Variants in NGEF observed in about 807,000 individuals in gnomAD.
NGEF encodes the protein ephexin-1.
A neutral mutation model predicts 80.9 loss-of-function variants in NGEF; 31 were observed. The ratio of observed to expected loss-of-function variants is 0.38; its 90% confidence interval spans 0.29 to 0.52. The LOEUF is 0.52. Among genes scored for constraint, NGEF ranks in the 20% least tolerant of loss-of-function variants. The pLI, the probability that NGEF is intolerant of heterozygous loss-of-function variation, is 0.84. For missense variants in NGEF, 709 were observed against 926.2 expected (o/e 0.77, Z 3.04); for synonymous variants, 371 against 370.2 (o/e 1.00, Z -0.03).
At chr2:232,939,786 T>A (rs1015629014) in intron 3 of NGEF, among the ~76,000 whole-genome samples, 1 of 152,112 alleles carries the variant, frequency 6.6e-6, no homozygotes, top group East Asian at 1.9e-4. Flanking sequence ...TCACCTGAGG[T>A]CAGGAGTTCA....
chr2:232,937,025 A>G lies in NGEF; in HGVS notation c.384-9839T>C, dbSNP rs1693340255. ...ACTCTCATAGCCCAGGCTGGAGTGC[A>G]ATGGCTCAGTCTCGGCTCACTGCAA... On this transcript the variant is annotated intron_variant, in intron 3 of 14. Transcript: ENST00000264051. Among the ~76,000 whole-genome samples the G allele has an allele frequency of 2.6e-5, 4 of 152,226 alleles. No homozygotes were observed. In the South Asian group the frequency reaches 8.3e-4, roughly 32 times the overall value.
rs145075895 is a variant in NGEF at position 232,897,875 on chromosome 2, C to T, written c.829-2959G>A. ...GAGACAGCGACGGTCAGAGACGAGA[C>T]GCTGAAATGAGCCTGTGGCCTCTCC... On this transcript the variant is annotated intron_variant, in intron 5 of 14. Transcript: ENST00000264051. Among the ~76,000 whole-genome samples the T allele has an allele frequency of 5.9e-3, 900 of 152,138 alleles. 7 individuals are homozygous for T. Among genetic ancestry groups the T allele is most frequent in the Non-Finnish European group, 8.6e-3 (585 of 67,968 alleles).
At chr2:232,911,414 T>C (rs1692689013) in intron 5 of NGEF, among the ~76,000 whole-genome samples, 1 of 152,200 alleles carries the variant, frequency 6.6e-6, no homozygotes, top group Non-Finnish European at 1.5e-5. Context: ...TACTGTAAAC[T>C]TTTTAGTTGT....
In NGEF at chr2:232,981,444, A is replaced by T. The variant is rs1472356027; in HGVS notation, c.-74-6480T>A. On this transcript the variant is annotated intron_variant, in intron 1 of 14. Transcript: ENST00000264051. The stretch of plus-strand genomic sequence containing the variant: ...AGGGGTCCTGCAGCCTCTGACTCCA[A>T]GAGTCTGACCCTCCCCACGTTGCTC... Among the ~76,000 whole-genome samples the T allele has an allele frequency of 2.0e-5, 3 of 152,120 alleles. No homozygotes were observed. The East Asian group carries it at 5.8e-4, about 29-fold the overall frequency.
At chr2:232,982,378 T>C (rs1694449693) in intron 1 of NGEF, among the ~76,000 whole-genome samples, 1 of 152,096 alleles carries the variant, frequency 6.6e-6, no homozygotes, top group Non-Finnish European at 1.5e-5. Flanking sequence ...AGATGGGGCT[T>C]ATTGAGGCAA....
intron 1 of NGEF, chr2:233,012,659 C>T (rs574362275): frequency 2.8e-6 from 1 of 357,876 alleles, no homozygotes; most frequent in Admixed American, 3.9e-5. Flanking sequence ...GGGCCCTGTT[C>T]TTAGAAGGTG....
chr2:233,000,628 C>T (rs1190950061), intron 1 of NGEF, among the ~76,000 whole-genome samples: 12 of 151,936 alleles, frequency 7.9e-5, no homozygotes, highest in South Asian at 2.1e-4. Context: ...GGCGTGGTGG[C>T]GGGCGCCTGT....
At chr2:232,928,468 C>T (rs1403029582) in intron 3 of NGEF, among the ~76,000 whole-genome samples, 2 of 151,906 alleles carry the variant, frequency 1.3e-5, no homozygotes, top group African/African-American at 4.8e-5. Flanking sequence ...CCCTCGGCTC[C>T]CCAGTGCCCG....
At chr2:232,974,128 A>T (rs1432418088) in intron 2 of NGEF, among the ~76,000 whole-genome samples, 7 of 152,226 alleles carry the variant, frequency 4.6e-5, no homozygotes, top group Non-Finnish European at 8.8e-5. Flanking sequence ...TGAGCAGATA[A>T]AATGTGCTAG....
chr2:233,011,329 T>A (rs1695198273), intron 1 of NGEF, among the ~76,000 whole-genome samples: 1 of 152,124 alleles, frequency 6.6e-6, no homozygotes, highest in South Asian at 2.1e-4. Context: ...AGCTGACTCC[T>A]TACTCGGGAA....
At chr2:232,922,748 C>T (rs1311900257) in intron 4 of NGEF, among the ~76,000 whole-genome samples, 1 of 152,216 alleles carries the variant, frequency 6.6e-6, no homozygotes, top group Non-Finnish European at 1.5e-5. Context: ...AATAGGTACT[C>T]AACTACTTGT....
rs887729139 is a variant in NGEF, at chr2:232,888,065, T to G, written c.1315A>C (p.Thr439Pro). 1.9e-6 allele frequency: 3 copies of G among 1,613,760 alleles called. No homozygotes were observed. Among genetic ancestry groups the G allele is most frequent in the South Asian group, 2.2e-5 (2 of 91,034 alleles). Reference sequence around the variant, plus strand: ...AGCTCCTTGTGAGCATCCAAAGCAGTGCACTCCCGCTCAGACCTCTCTTCT... The same window carrying G: ...AGCTCCTTGTGAGCATCCAAAGCAGGGCACTCCCGCTCAGACCTCTCTTCT... Reference protein sequence around the residue: ...RVEERSERECTALDAHKELEM... With the variant: ...RVEERSERECPALDAHKELEM... The change falls in exon 9 of 15, where the codon ACT becomes CCT. Residue 439 changes from threonine to proline, a missense_variant. Around this residue, in one of 2 missense-constraint regions of NGEF, gnomAD observed 426 missense variants for 622.9 expected, o/e 0.68. Coordinates refer to ENST00000264051, the MANE Select transcript of NGEF (RefSeq NM_019850.3).
intron 1 of NGEF, among the ~76,000 whole-genome samples, chr2:232,980,440 C>T (rs73107106): frequency 0.16 from 24,327 of 151,816 alleles, 2,540 homozygotes; most frequent in African/African-American, 0.3. Context: ...CCGGGGCTCT[C>T]GTTAAATCAC....
rs775006266 is a variant in NGEF at position 232,901,536 on chromosome 2, C to T, written c.829-6620G>A. On this transcript the variant is annotated intron_variant, in intron 5 of 14. Transcript: ENST00000264051. Reference sequence around the variant, plus strand: ...AGCTGCGTCACCAGGGTGACATCTGCGGGGGTCGGAGCCAAAGGCCAGCAG... The same window carrying T: ...AGCTGCGTCACCAGGGTGACATCTGTGGGGGTCGGAGCCAAAGGCCAGCAG... 1.3e-5 allele frequency: 10 copies of T among 749,232 alleles called. No homozygotes were observed. The East Asian group carries it at 9.0e-4, about 67-fold the overall frequency. 46.4% of individuals were successfully genotyped at this position (749,232 alleles called of 1,614,324 possible). A position where few individuals can be genotyped will look rare whatever the true frequency, so the allele number is the denominator to read the frequency against.
rs902266480 is a variant in NGEF, at chr2:232,928,075, A to C, written c.384-889T>G. ...GCCCTGGGCTGGGTCGGGGGCGACTAGCGGGCTGCGGAGCGGGGTCGCAGC... is the reference window on the plus strand; with the variant it reads ...GCCCTGGGCTGGGTCGGGGGCGACTCGCGGGCTGCGGAGCGGGGTCGCAGC... On this transcript the variant is annotated intron_variant, in intron 3 of 14. Transcript: ENST00000264051. 514 of 1,131,810 alleles carry C rather than the reference A, an allele frequency of 4.5e-4. 1 individual carries two copies. The highest frequency in any genetic ancestry group is 7.9e-4 in the Admixed American group (16 of 20,220). 70.1% of individuals were successfully genotyped at this position (1,131,810 alleles called of 1,614,324 possible). A position where few individuals can be genotyped will look rare whatever the true frequency, so the allele number is the denominator to read the frequency against.
intron 4 of NGEF, among the ~76,000 whole-genome samples, chr2:232,922,401 G>T (rs923349231): frequency 6.6e-6 from 1 of 152,098 alleles, no homozygotes; most frequent in African/African-American, 2.4e-5. Context: ...TTCTGCCAAG[G>T]TAACCAGAGC....
intron 13 of NGEF, 32 bp from the exon 14 acceptor site, chr2:232,881,282 C>T (rs1491000654): frequency 1.9e-6 from 3 of 1,548,202 alleles, no homozygotes; most frequent in African/African-American, 1.4e-5. Flanking sequence ...CACATCCCCA[C>T]CACCGCACTA....
intron 5 of NGEF, among the ~76,000 whole-genome samples, chr2:232,905,239 T>G (rs1256105068): frequency 6.6e-6 from 1 of 152,240 alleles, no homozygotes; most frequent in African/African-American, 2.4e-5. Context: ...GTGCCTGCGA[T>G]TGCAGGCGCG....
At chr2:232,900,816 A>C (rs527558517) in intron 5 of NGEF, among the ~76,000 whole-genome samples, 12 of 152,276 alleles carry the variant, frequency 7.9e-5, no homozygotes, top group Admixed American at 7.2e-4. Context: ...ATGCTCTCAC[A>C]CAATCACCCA....
Sources: gnomAD v4.1 joint callset for allele counts (sites outside exome capture counted in the v4.1 genomes callset) on GRCh38, gnomAD v4.1.1 for gene constraint, gnomAD v4.1.1 regional missense constraint, MANE v1.5 for transcripts, NCBI Gene and HGNC (gene_info 2026-07-23, HGNC 2026-07-21) for gene names.